PKD2: variants seen among roughly 807,000 people sequenced by gnomAD.
The protein encoded by PKD2 is polycystin 2, transient receptor potential cation channel.
In PKD2, 48 loss-of-function variants were observed where a neutral mutation model predicts 105.9. The observed-to-expected ratio is 0.45, with a 90% CI of 0.36 to 0.58. The LOEUF (loss-of-function observed/expected upper bound fraction) is 0.58, where lower values mean the gene tolerates loss of function less well. PKD2 is among the 20% of genes least tolerant of loss of function. The probability of loss-of-function intolerance (pLI) is 0.00; values close to 1 mark genes in which losing one functional copy is unlikely to be tolerated. For synonymous variants in PKD2, 464 were observed against 481.1 expected, an observed-to-expected ratio of 0.96 and a Z score of 0.46; for missense variants, 1,078 against 1,255.3, an observed-to-expected ratio of 0.86 and a Z score of 2.13.
chr4:88,049,039 T>C (rs1369184824), intron 6 of PKD2, among the ~76,000 whole-genome samples: 1 of 152,238 alleles, frequency 6.6e-6, no homozygotes, highest in Non-Finnish European at 1.5e-5. Flanking sequence ...TATGATATGC[T>C]AATTAAGAAC....
intron 3 of PKD2, among the ~76,000 whole-genome samples, chr4:88,036,720 T>C (rs1277528388): frequency 2.0e-5 from 3 of 152,242 alleles, no homozygotes; most frequent in African/African-American, 7.2e-5. Context: ...GATTTTTTTC[T>C]AGCCTGACAG....
In PKD2 at chr4:88,019,918, A is replaced by C. The variant is rs1726690004; in HGVS notation, c.709+347A>C. ...CTAAGTGACTGTGGACTTGCGTTTAACACAGGACGGGAGAGGCAAAGAGTT... is the reference window on the plus strand; with the variant it reads ...CTAAGTGACTGTGGACTTGCGTTTACCACAGGACGGGAGAGGCAAAGAGTT... On this transcript the variant is annotated intron_variant, in intron 2 of 14. Coordinates refer to ENST00000237596, the MANE Select transcript of PKD2 (RefSeq NM_000297.4). Among the ~76,000 whole-genome samples, 3 of 152,358 alleles carry C rather than the reference A, an allele frequency of 2.0e-5. No individual in the cohort carries two copies. The South Asian group carries it at 6.2e-4, about 32-fold the overall frequency.
chr4:88,030,719 C>T (rs1578125588), intron 2 of PKD2, among the ~76,000 whole-genome samples: 1 of 152,356 alleles, frequency 6.6e-6, no homozygotes, highest in East Asian at 1.9e-4. Flanking sequence ...CCCACCTCTT[C>T]ACACAGGGTT....
intron 1 of PKD2, among the ~76,000 whole-genome samples, chr4:88,016,507 C>G (rs945726465): frequency 3.3e-5 from 5 of 152,152 alleles, no homozygotes; most frequent in African/African-American, 1.2e-4. Flanking sequence ...TGCAGGACAG[C>G]TATTTTTCCT....
At chr4:88,037,276 A>C (rs1198734249) in intron 3 of PKD2, among the ~76,000 whole-genome samples, 1 of 152,036 alleles carries the variant, frequency 6.6e-6, no homozygotes, top group Non-Finnish European at 1.5e-5. Context: ...AACAAACAAA[A>C]AAGGTCTGCT....
chr4:88,074,736 T>G (rs1721166961), intron 13 of PKD2, 76 bp from the exon 14 acceptor site: 1 of 1,503,040 alleles, frequency 6.7e-7, no homozygotes, highest in Non-Finnish European at 9.3e-7. Context: ...ATCTTAGCAC[T>G]TCCTTTTGAA....
chr4:88,008,584 A>G (rs1274002861), intron 1 of PKD2, among the ~76,000 whole-genome samples: 1 of 151,134 alleles, frequency 6.6e-6, no homozygotes, highest in Non-Finnish European at 1.5e-5. Context: ...AGTCTTTTTT[A>G]CTGAAAATTA....
chr4:88,064,418 C>T (rs1232264449), intron 10 of PKD2, among the ~76,000 whole-genome samples: 1 of 152,020 alleles, frequency 6.6e-6, no homozygotes, highest in Non-Finnish European at 1.5e-5. Context: ...TTTAAGCTCC[C>T]TATACATTTA....
At chr4:88,067,654 T>C (rs1279637179) in intron 12 of PKD2, among the ~76,000 whole-genome samples, 1 of 152,204 alleles carries the variant, frequency 6.6e-6, no homozygotes, top group Non-Finnish European at 1.5e-5. Flanking sequence ...TCATTTAGTT[T>C]TTTCTTTGCC....
chr4:88,074,803 T>C lies in PKD2; in HGVS notation c.2523-9T>C. The C allele has an allele frequency of 6.2e-7, 1 of 1,613,958 alleles. No individual in the cohort carries two copies. The highest frequency in any genetic ancestry group is 8.5e-7 in the Non-Finnish European group (1 of 1,179,872). ...CACTTTGTCCCTCTGTACTGTGTTT[T>C]CCTTGCAGCCTGGTGAGACGAGTGG... On this transcript the variant is annotated splice_polypyrimidine_tract_variant and intron_variant, in intron 13 of 14. Transcript: ENST00000237596.
chr4:88,008,150 G>A lies in PKD2; in HGVS notation c.417G>A (p.Arg139=). ...SAVSSVGARS[R]GLGGYHGAGH... ...TGAGCTCCGTGGGCGCGCGGAGCCGGGGGCTTGGGGGCTACCACGGCGCGG... is the reference window on the plus strand; with the variant it reads ...TGAGCTCCGTGGGCGCGCGGAGCCGAGGGCTTGGGGGCTACCACGGCGCGG... Residue 139 remains arginine, a synonymous_variant, in exon 1 of 15, where the codon CGG becomes CGA. Coordinates refer to ENST00000237596, the MANE Select transcript of PKD2 (RefSeq NM_000297.4). 6.8e-7 allele frequency: 1 copy of A among 1,460,042 alleles called. No homozygotes were observed. The highest frequency in any genetic ancestry group is 9.0e-7 in the Non-Finnish European group (1 of 1,108,540). The allele number at this position is 1,460,042 out of a possible 1,614,324, so 90.4% of individuals were successfully genotyped here.
At position 88,035,699 on chromosome 4, in the gene PKD2, G is replaced by A. The variant is rs10033076; in HGVS notation, c.710-521G>A. Among the ~76,000 whole-genome samples, 605 of 152,318 alleles carry A rather than the reference G, an allele frequency of 4.0e-3. 2 individuals carry two copies. The highest frequency in any genetic ancestry group is 0.014 in the African/African-American group (575 of 41,562). On this transcript the variant is annotated intron_variant, in intron 2 of 14. Transcript: ENST00000237596. The stretch of plus-strand genomic sequence containing the variant: ...CAAAGGATTCCAGGTGGTACAGTTC[G>A]TAAAGATTAGCCTCAGGGCACAGAA...
chr4:88,066,290 A>G (rs534748563), intron 12 of PKD2, among the ~76,000 whole-genome samples: 1 of 152,274 alleles, frequency 6.6e-6, no homozygotes, highest in South Asian at 2.1e-4. Context: ...TGAAGAAAAC[A>G]AAAAATGACT....
chr4:88,021,681 T>G (rs1726753468), intron 2 of PKD2, among the ~76,000 whole-genome samples: 1 of 152,236 alleles, frequency 6.6e-6, no homozygotes, highest in Non-Finnish European at 1.5e-5. Context: ...CATTTCATTT[T>G]TCTACAGCTA....
chr4:88,038,138 C>T, intron 3 of PKD2, 113 bp from the exon 4 acceptor site: 1 of 1,088,788 alleles, frequency 9.2e-7, no homozygotes, highest in East Asian at 2.4e-5. Context: ...TCATTCTTAT[C>T]ACTCTACTAT....
chr4:88,062,141 T>C, intron 10 of PKD2, 137 bp downstream of exon 10: 1 of 617,728 alleles, frequency 1.6e-6, no homozygotes, highest in Non-Finnish European at 3.0e-6. Flanking sequence ...TCAGGAATAA[T>C]TTAAATGTTC....
At chr4:88,035,281 C>T (rs540828586) in intron 2 of PKD2, among the ~76,000 whole-genome samples, 2 of 152,270 alleles carry the variant, frequency 1.3e-5, no homozygotes, top group East Asian at 3.9e-4. Context: ...ATGTCCATGG[C>T]AAGGATGTAG....
chr4:88,070,597 TATATAGAGAGAGAG>T (rs1237933931), intron 13 of PKD2, among the ~76,000 whole-genome samples: 1 of 99,146 alleles, frequency 1.0e-5, no homozygotes, highest in African/African-American at 3.8e-5. Flanking sequence ...TATATATATA[TATATAGAGAGAGAG>T]AGAGAGAGAG....
intron 12 of PKD2, 131 bp downstream of exon 12, chr4:88,066,010 G>A (rs188086267): frequency 7.5e-5 from 54 of 719,692 alleles, no homozygotes; most frequent in Admixed American, 1.5e-4. Context: ...TCTCTCAGTC[G>A]GTTTATGTGT....
Sources: allele counts gnomAD v4.1 joint callset (sites outside exome capture counted in the v4.1 genomes callset), GRCh38; gene constraint gnomAD v4.1.1; transcripts MANE v1.5; gene names NCBI Gene and HGNC (gene_info 2026-07-23, HGNC 2026-07-21).